The following KIAA0825 variants were observed in gnomAD, a reference collection of about 807,000 sequenced individuals.
KIAA0825 encodes uncharacterized protein KIAA0825.
Under a neutral mutation model 147.6 loss-of-function variants are expected in KIAA0825, and 119 were observed. That is an observed-to-expected ratio of 0.81 (90% confidence interval 0.69 to 0.94). KIAA0825 has a LOEUF of 0.94. Ranked by LOEUF, KIAA0825 falls within the 40% of genes least tolerant of loss-of-function variation. The pLI is 0.00. For synonymous variants in KIAA0825, 470 were observed against 518.1 expected (o/e 0.91, Z 1.26); for missense variants, 1,381 against 1,472.7 (o/e 0.94, Z 1.02).
intron 5 of KIAA0825, among the ~76,000 whole-genome samples, chr5:94,502,393 C>T (rs1745690992): frequency 6.6e-6 from 1 of 152,050 alleles, no homozygotes; most frequent in South Asian, 2.1e-4. Flanking sequence ...AAAAGAACGC[C>T]AGACCCAATT....
intron 14 of KIAA0825, among the ~76,000 whole-genome samples, chr5:94,426,649 G>A (rs1007570630): frequency 1.3e-5 from 2 of 152,138 alleles, no homozygotes; most frequent in African/African-American, 4.8e-5. Flanking sequence ...ACAGAGTAGG[G>A]TGATTATAGT....
At chr5:94,563,079 C>G (rs1777836683) in intron 2 of KIAA0825, among the ~76,000 whole-genome samples, 1 of 151,960 alleles carries the variant, frequency 6.6e-6, no homozygotes, top group African/African-American at 2.4e-5. Context: ...CGGTAGCTCA[C>G]GCCTGTAATC....
chr5:94,205,653 A>G (rs1772127365), intron 20 of KIAA0825, among the ~76,000 whole-genome samples: 1 of 152,146 alleles, frequency 6.6e-6, no homozygotes, highest in Non-Finnish European at 1.5e-5. Flanking sequence ...AATAATTATC[A>G]TGGATGCCAT....
At chr5:94,555,946 A>G (rs1776455808) in intron 2 of KIAA0825, among the ~76,000 whole-genome samples, 1 of 152,208 alleles carries the variant, frequency 6.6e-6, no homozygotes, top group Non-Finnish European at 1.5e-5. Flanking sequence ...TATTAACTTG[A>G]AGATCTGCAT....
intron 2 of KIAA0825, among the ~76,000 whole-genome samples, chr5:94,541,229 C>A (rs977306283): frequency 2.6e-5 from 4 of 152,148 alleles, no homozygotes; most frequent in African/African-American, 7.2e-5. Flanking sequence ...AAGAGTCAGA[C>A]CTTATCTGCA....
intron 20 of KIAA0825, among the ~76,000 whole-genome samples, chr5:94,261,138 A>T (rs1776472961): frequency 6.6e-6 from 1 of 151,522 alleles, no homozygotes; most frequent in African/African-American, 2.4e-5. Flanking sequence ...CACCATCTCT[A>T]CAAAAATATT....
intron 20 of KIAA0825, among the ~76,000 whole-genome samples, chr5:94,180,171 A>G (rs1219389287): frequency 2.6e-5 from 4 of 152,114 alleles, no homozygotes; most frequent in African/African-American, 9.7e-5. Flanking sequence ...GTAATTAGAC[A>G]AATGGACATT....
At chr5:94,454,675 C>G (rs1011807318) in intron 12 of KIAA0825, among the ~76,000 whole-genome samples, 2 of 152,104 alleles carry the variant, frequency 1.3e-5, no homozygotes, top group African/African-American at 2.4e-5. Flanking sequence ...TAAAGAATCA[C>G]TGAAGAGTGT....
At chr5:94,359,523 G>A (rs12109129) in intron 20 of KIAA0825, among the ~76,000 whole-genome samples, 28,791 of 152,122 alleles carry the variant, frequency 0.19, 3,786 homozygotes, top group African/African-American at 0.38. Flanking sequence ...TGGGGAGGCC[G>A]AGATGGGATG....
chr5:94,568,369 C>T (rs1312845217), intron 2 of KIAA0825: 1 of 155,356 alleles, frequency 6.4e-6, no homozygotes, highest in Non-Finnish European at 1.4e-5. Flanking sequence ...CTATTACTCT[C>T]ATCGCCACTT....
At chr5:94,294,608 C>A (rs1245273810) in intron 20 of KIAA0825, among the ~76,000 whole-genome samples, 1 of 152,162 alleles carries the variant, frequency 6.6e-6, no homozygotes, top group Non-Finnish European at 1.5e-5. Context: ...CACCTGTAAT[C>A]CCAGATACTC....
At chr5:94,502,532 A>G (rs1765215084) in intron 5 of KIAA0825, among the ~76,000 whole-genome samples, 1 of 152,208 alleles carries the variant, frequency 6.6e-6, no homozygotes, top group Non-Finnish European at 1.5e-5. Flanking sequence ...AAAAATTCTA[A>G]ACTATTAAAC....
intron 20 of KIAA0825, among the ~76,000 whole-genome samples, chr5:94,215,322 C>T (rs1300527727): frequency 1.3e-5 from 2 of 152,070 alleles, no homozygotes; most frequent in Non-Finnish European, 2.9e-5. Flanking sequence ...CTGGCAGGTA[C>T]GTTGCACATA....
At chr5:94,201,808 G>C (rs1771723518) in intron 20 of KIAA0825, among the ~76,000 whole-genome samples, 1 of 152,182 alleles carries the variant, frequency 6.6e-6, no homozygotes. Flanking sequence ...GTGAAGGACA[G>C]AGATTGGGCT....
At chr5:94,294,152 T>A (rs1383296680) in intron 20 of KIAA0825, among the ~76,000 whole-genome samples, 1 of 152,226 alleles carries the variant, frequency 6.6e-6, no homozygotes, top group Non-Finnish European at 1.5e-5. Flanking sequence ...TTGTTATGTG[T>A]GTATTTGATC....
intron 3 of KIAA0825, among the ~76,000 whole-genome samples, chr5:94,535,473 G>A (rs1771788690): frequency 9.0e-6 from 1 of 111,416 alleles, no homozygotes; most frequent in South Asian, 3.1e-4. Context: ...TCGTGCCATT[G>A]TACTCCAGCC....
intron 20 of KIAA0825, among the ~76,000 whole-genome samples, chr5:94,181,620 C>T (rs972813094): frequency 8.5e-5 from 13 of 152,242 alleles, no homozygotes; most frequent in African/African-American, 2.2e-4. Context: ...GCTTTATTAA[C>T]GTAATGTATT....
At chr5:94,375,100 C>T (rs1289314747) in intron 20 of KIAA0825, among the ~76,000 whole-genome samples, 2 of 147,398 alleles carry the variant, frequency 1.4e-5, no homozygotes, top group Admixed American at 1.4e-4. Context: ...GGCACGACCT[C>T]GGCTCACTGC....
At chr5:94,265,188 T>G (rs929808911) in intron 20 of KIAA0825, among the ~76,000 whole-genome samples, 5 of 152,190 alleles carry the variant, frequency 3.3e-5, no homozygotes, top group Non-Finnish European at 5.9e-5. Context: ...ATTATAAATT[T>G]TTGAAGGCAG....
Sources: gnomAD v4.1 joint callset for allele counts (sites outside exome capture counted in the v4.1 genomes callset) on GRCh38, gnomAD v4.1.1 for gene constraint, MANE v1.5 for transcripts, NCBI Gene and HGNC (gene_info 2026-07-23, HGNC 2026-07-21) for gene names.